ACAD11: variants seen among roughly 807,000 people sequenced by gnomAD.
The protein encoded by ACAD11 is acyl-CoA dehydrogenase family member 11.
In ACAD11, 83 loss-of-function variants were observed where a neutral mutation model predicts 102.2. The ratio of observed to expected loss-of-function variants is 0.81; its 90% confidence interval spans 0.68 to 0.97. The LOEUF is 0.97. ACAD11 is among the 50% of genes least tolerant of loss of function. The pLI is 0.00. For missense variants in ACAD11, 901 were observed against 951.7 expected, an observed-to-expected ratio of 0.95 and a Z score of 0.70; for synonymous variants, 324 against 319.8, an observed-to-expected ratio of 1.01 and a Z score of -0.14.
Position 132,590,505 on chromosome 3 carries a change from C to G in ACAD11, c.1622-10947G>C, listed in dbSNP as rs569427166. 1.6e-4 allele frequency among the ~76,000 whole-genome samples: 25 copies of G among 152,264 alleles called. No individual in the cohort carries two copies. In the East Asian group the frequency reaches 2.3e-3, roughly 14 times the overall value. ...CAAGTGATCCTCCCGCCTTAGCCCCCCAAAGTGCTGGGATTACAGGCATGA... is the reference window on the plus strand; with the variant it reads ...CAAGTGATCCTCCCGCCTTAGCCCCGCAAAGTGCTGGGATTACAGGCATGA... On this transcript the variant is annotated intron_variant, in intron 13 of 19. Transcript: ENST00000264990.
At chr3:132,626,125 A>T (rs1939797147) in intron 9 of ACAD11, among the ~76,000 whole-genome samples, 1 of 152,110 alleles carries the variant, frequency 6.6e-6, no homozygotes, top group Admixed American at 6.6e-5. Flanking sequence ...TGTATGTCTT[A>T]TTATCTATTT....
At chr3:132,630,356 T>C (rs1165362523) in intron 7 of ACAD11, 81 bp downstream of exon 7, 1 of 1,395,728 alleles carries the variant, frequency 7.2e-7, no homozygotes, top group Non-Finnish European at 9.5e-7. Flanking sequence ...ATAAAGAATA[T>C]AAAACCCGGA....
chr3:132,603,478 A>T, intron 12 of ACAD11, 151 bp from the exon 13 acceptor site: 1 of 631,814 alleles, frequency 1.6e-6, no homozygotes, highest in East Asian at 2.8e-5. Context: ...TAACCTACAC[A>T]CAGTATTCAA....
intron 4 of ACAD11, among the ~76,000 whole-genome samples, 160 bp downstream of exon 4, chr3:132,641,810 CAT>C (rs1246404903): frequency 2.6e-5 from 4 of 151,968 alleles, no homozygotes; most frequent in African/African-American, 9.7e-5. Flanking sequence ...AATATAAAAA[CAT>C]AAGATAATTT....
chr3:132,568,140 T>C (rs1462002102), intron 17 of ACAD11, among the ~76,000 whole-genome samples: 1 of 152,070 alleles, frequency 6.6e-6, no homozygotes, highest in Non-Finnish European at 1.5e-5. Context: ...GGCTGGAGAA[T>C]CGCTTGAACC....
chr3:132,587,130 G>A (rs1937876373), intron 13 of ACAD11, among the ~76,000 whole-genome samples: 2 of 151,996 alleles, frequency 1.3e-5, no homozygotes, highest in South Asian at 4.1e-4. Context: ...ACTCTGGTAC[G>A]TGCACTGACA....
At chr3:132,574,898 G>A (rs577325499) in intron 17 of ACAD11, among the ~76,000 whole-genome samples, 12 of 152,076 alleles carry the variant, frequency 7.9e-5, no homozygotes, top group Non-Finnish European at 1.3e-4. Flanking sequence ...GCAGTGGCAC[G>A]ATCTTGGCTG....
chr3:132,650,341 T>C (rs560549124), intron 1 of ACAD11: 5 of 152,296 alleles, frequency 3.3e-5, no homozygotes, highest in African/African-American at 1.2e-4. Context: ...TGCTAGGGAC[T>C]TCCCTAGAAG....
intron 11 of ACAD11, among the ~76,000 whole-genome samples, chr3:132,611,387 G>A (rs1157864509): frequency 1.3e-5 from 2 of 152,056 alleles, no homozygotes; most frequent in East Asian, 1.9e-4. Flanking sequence ...AATCAAGCAG[G>A]AGAAGGAAAT....
intron 11 of ACAD11, among the ~76,000 whole-genome samples, chr3:132,612,036 A>G (rs1288242479): frequency 1.3e-5 from 2 of 152,054 alleles, no homozygotes; most frequent in Non-Finnish European, 2.9e-5. Context: ...GATACAGACC[A>G]ATGGAACAGA....
chr3:132,628,811 T>G (rs1017637592), intron 7 of ACAD11, among the ~76,000 whole-genome samples: 1 of 152,148 alleles, frequency 6.6e-6, no homozygotes, highest in Non-Finnish European at 1.5e-5. Flanking sequence ...TTTAAAAAAC[T>G]ATAAAATCAA....
chr3:132,632,584 C>T (rs767694415), intron 5 of ACAD11, among the ~76,000 whole-genome samples: 1 of 152,130 alleles, frequency 6.6e-6, no homozygotes, highest in Non-Finnish European at 1.5e-5. Flanking sequence ...TCCATATGAA[C>T]TTTAAAGCAG....
chr3:132,629,313 G>A (rs62291514), intron 7 of ACAD11, among the ~76,000 whole-genome samples: 6 of 151,966 alleles, frequency 3.9e-5, no homozygotes, highest in South Asian at 2.1e-4. Flanking sequence ...CCCACATGCC[G>A]CCACACCTGG....
In ACAD11 at chr3:132,631,340, C is replaced by T; in HGVS notation, c.841+1G>A. ...ATTTAGACAACATTATGTTTTTATA[C>T]CTGAGTTTTCACTATAAGAACCTTG... On this transcript the variant is annotated splice_donor_variant, in intron 6 of 19. Coordinates refer to ENST00000264990, the MANE Select transcript of ACAD11 (RefSeq NM_032169.5). LOFTEE classifies it high-confidence loss of function. 7.0e-7 allele frequency: 1 copy of T among 1,432,450 alleles called. No homozygotes were observed. Among genetic ancestry groups the T allele is most frequent in the Non-Finnish European group, 9.2e-7 (1 of 1,084,718 alleles). 88.7% of individuals were successfully genotyped at this position (1,432,450 alleles called of 1,614,324 possible).
chr3:132,583,356 C>G (rs1937646545), intron 13 of ACAD11, among the ~76,000 whole-genome samples: 1 of 152,128 alleles, frequency 6.6e-6, no homozygotes, highest in Non-Finnish European at 1.5e-5. Flanking sequence ...TTATAGTATT[C>G]TCTGATGGTA....
intron 1 of ACAD11, among the ~76,000 whole-genome samples, chr3:132,653,943 A>G (rs1449520890): frequency 6.6e-6 from 1 of 152,188 alleles, no homozygotes; most frequent in African/African-American, 2.4e-5. Flanking sequence ...TTATATGTCT[A>G]GTCCAGATCT....
rs781235733 is a variant in ACAD11 at position 132,628,476 on chromosome 3, C to G, written c.964-30G>C. Reference sequence around the variant, plus strand: ...AAATAAACATAGAACAATTAAAATTCATTGAAAACCGTCCTTCAACAATCC... The same window carrying G: ...AAATAAACATAGAACAATTAAAATTGATTGAAAACCGTCCTTCAACAATCC... On this transcript the variant is annotated intron_variant, in intron 7 of 19. Transcript: ENST00000264990. 2.1e-6 allele frequency: 3 copies of G among 1,458,272 alleles called. No homozygotes were observed. In the East Asian group the frequency reaches 7.0e-5, roughly 34 times the overall value. 90.3% of individuals were successfully genotyped at this position (1,458,272 alleles called of 1,614,324 possible).
rs556527827 is a variant in ACAD11, at chr3:132,633,425, C to T, written c.703-1946G>A. ...AGCCTTGCATCCCAGGGATGAAGCC[C>T]ACTTGGTCATGGTGGATAAGCTTTT... On this transcript the variant is annotated intron_variant, in intron 5 of 19. Coordinates refer to ENST00000264990, the MANE Select transcript of ACAD11 (RefSeq NM_032169.5). Among the ~76,000 whole-genome samples the T allele has an allele frequency of 9.3e-4, 141 of 152,102 alleles. 1 individual carries two copies. Among genetic ancestry groups the T allele is most frequent in the Non-Finnish European group, 1.6e-3 (107 of 68,010 alleles).
At chr3:132,636,857 G>A (rs1940294039) in intron 5 of ACAD11, among the ~76,000 whole-genome samples, 1 of 152,160 alleles carries the variant, frequency 6.6e-6, no homozygotes, top group African/African-American at 2.4e-5. Flanking sequence ...GGCTATGCTG[G>A]AAAATGACTG....
Sources: gnomAD v4.1 joint callset for allele counts (sites outside exome capture counted in the v4.1 genomes callset) on GRCh38, gnomAD v4.1.1 for gene constraint, MANE v1.5 for transcripts, NCBI Gene and HGNC (gene_info 2026-07-23, HGNC 2026-07-21) for gene names.